APBB2: variants seen among roughly 807,000 people sequenced by gnomAD.
The protein encoded by APBB2 is amyloid beta precursor protein binding family B member 2.
A neutral mutation model predicts 82.5 loss-of-function variants in APBB2; 38 were observed. The ratio of observed to expected loss-of-function variants is 0.46; its 90% CI spans 0.36 to 0.60. APBB2 has a LOEUF of 0.60. Among genes scored for constraint, APBB2 ranks in the 20% least tolerant of loss-of-function variants. The pLI, the probability that APBB2 is intolerant of heterozygous loss-of-function variation, is 0.00. For synonymous variants in APBB2, 341 were observed against 368.2 expected (o/e 0.93, Z 0.85); for missense variants, 772 against 972.3 (o/e 0.79, Z 2.74).
At chr4:40,960,486 C>T (rs548033081) in intron 6 of APBB2, among the ~76,000 whole-genome samples, 12 of 125,452 alleles carry the variant, frequency 9.6e-5, no homozygotes, top group Middle Eastern at 6.4e-3. Flanking sequence ...CTCGCTCTGT[C>T]GCCCAGGCTG....
chr4:40,890,901 CT>C, intron 11 of APBB2: 1 of 156,602 alleles, frequency 6.4e-6, no homozygotes, highest in African/African-American at 2.4e-5. Flanking sequence ...CCTCGATGGC[CT>C]TTCCAAACCC....
chr4:41,038,922 A>C (rs1720307561), intron 4 of APBB2, among the ~76,000 whole-genome samples: 1 of 152,350 alleles, frequency 6.6e-6, no homozygotes, highest in East Asian at 1.9e-4. Flanking sequence ...TTAGTGCAAT[A>C]GCTATAAATG....
intron 12 of APBB2, among the ~76,000 whole-genome samples, chr4:40,878,759 A>C (rs1470721963): frequency 6.6e-6 from 1 of 151,914 alleles, no homozygotes; most frequent in Non-Finnish European, 1.5e-5. Context: ...GTGTTCCTTT[A>C]TTTATAGCCT....
chr4:40,961,878 T>C (rs1793400318), intron 6 of APBB2, among the ~76,000 whole-genome samples: 1 of 152,092 alleles, frequency 6.6e-6, no homozygotes, highest in Admixed American at 6.6e-5. Flanking sequence ...ATGCAGACAC[T>C]GCATTGGGCT....
At chr4:40,870,664 T>C (rs1160277496) in intron 12 of APBB2, among the ~76,000 whole-genome samples, 4 of 151,738 alleles carry the variant, frequency 2.6e-5, no homozygotes, top group Admixed American at 1.3e-4. Flanking sequence ...CAGGTCCTAA[T>C]CCCTGGAACC....
chr4:41,004,866 C>CAT (rs1806271944), intron 6 of APBB2, among the ~76,000 whole-genome samples: 1 of 137,160 alleles, frequency 7.3e-6, no homozygotes, highest in Non-Finnish European at 1.6e-5. Flanking sequence ...AAAAGACTGG[C>CAT]ATGTGTACAT....
chr4:40,980,185 GCTGA>G (rs2154402637), intron 6 of APBB2, among the ~76,000 whole-genome samples: 1 of 151,676 alleles, frequency 6.6e-6, no homozygotes, highest in South Asian at 2.1e-4. Context: ...GCCACGCCTG[GCTGA>G]CTTTCTGGAT....
intron 1 of APBB2, among the ~76,000 whole-genome samples, chr4:41,176,591 A>G (rs1220906226): frequency 6.6e-6 from 1 of 152,156 alleles, no homozygotes; most frequent in African/African-American, 2.4e-5. Context: ...CTATCACTAC[A>G]AAAAATGTCA....
intron 12 of APBB2, among the ~76,000 whole-genome samples, chr4:40,875,804 GA>G (rs34758941): frequency 0.15 from 21,868 of 147,030 alleles, 1,927 homozygotes; most frequent in Non-Finnish European, 0.21. Context: ...TTTCTGCTAA[GA>G]AAAAAAAAAA....
chr4:41,195,852 C>A, intron 1 of APBB2, among the ~76,000 whole-genome samples: 4 of 152,150 alleles, frequency 2.6e-5, no homozygotes, highest in Non-Finnish European at 1.5e-5. Context: ...CTTTCAAGTC[C>A]TCTCCTCGAT....
intron 6 of APBB2, among the ~76,000 whole-genome samples, chr4:40,948,650 C>T (rs1026723423): frequency 6.6e-6 from 1 of 151,164 alleles, no homozygotes; most frequent in African/African-American, 2.4e-5. Flanking sequence ...ATCCCAGCTA[C>T]TCGGAAGGCT....
chr4:40,838,679 G>A (rs1271409852), intron 12 of APBB2, among the ~76,000 whole-genome samples: 1 of 151,926 alleles, frequency 6.6e-6, no homozygotes, highest in Non-Finnish European at 1.5e-5. Context: ...ACATTGGGCA[G>A]GCTGGTCTAG....
At chr4:41,150,868 G>A (rs576678234) in intron 1 of APBB2, among the ~76,000 whole-genome samples, 4 of 152,268 alleles carry the variant, frequency 2.6e-5, no homozygotes, top group East Asian at 3.9e-4. Flanking sequence ...AGCCTCCCGA[G>A]TAGCTGGGAT....
chr4:41,105,756 G>T (rs904071510), intron 2 of APBB2, among the ~76,000 whole-genome samples: 2 of 152,006 alleles, frequency 1.3e-5, no homozygotes, highest in African/African-American at 4.8e-5. Context: ...TGTGGTAGCG[G>T]GCGCCTGTAG....
intron 12 of APBB2, among the ~76,000 whole-genome samples, chr4:40,844,114 A>C (rs1003852624): frequency 6.6e-6 from 1 of 151,132 alleles, no homozygotes; most frequent in Non-Finnish European, 1.5e-5. Context: ...GGTGGCTAAA[A>C]ATTCCTAAGA....
rs531627525 is a variant in APBB2 at position 40,821,470 on chromosome 4, A to T, written c.2112+401T>A. Among the ~76,000 whole-genome samples the T allele has an allele frequency of 2.0e-5, 3 of 152,382 alleles. No homozygotes were observed. The South Asian group carries it at 6.2e-4, about 32-fold the overall frequency. ...GAGTTAACAGATATAAATAAAATATATAAGAACGGTGTACAGAAACCAATC... is the reference window on the plus strand; with the variant it reads ...GAGTTAACAGATATAAATAAAATATTTAAGAACGGTGTACAGAAACCAATC... On this transcript the variant is annotated intron_variant, in intron 17 of 17. Transcript: ENST00000508593.
At chr4:40,941,200 C>T (rs1374376597) in intron 7 of APBB2, among the ~76,000 whole-genome samples, 2 of 151,774 alleles carry the variant, frequency 1.3e-5, no homozygotes, top group Admixed American at 6.6e-5. Context: ...ATTTCTAACA[C>T]AACATATTAC....
chr4:40,982,283 AAGGAAGGAAG>A lies in APBB2; in HGVS notation c.835+31290_835+31299del, dbSNP rs1374515678. On this transcript the variant is annotated intron_variant, in intron 6 of 17. Coordinates refer to ENST00000508593, the MANE Select transcript of APBB2 (RefSeq NM_004307.2). ...GAAAGAAAGAAAGAAAGAAAGAAAG[AAGGAAGGAAG>A]GAAGGAAGGAAGGAAAGAAAGAAAG... is the stretch of plus-strand genomic sequence containing the variant. 8.5e-4 allele frequency among the ~76,000 whole-genome samples: 25 copies of A among 29,474 alleles called. 1 individual carries two copies. The highest frequency in any genetic ancestry group is 4.8e-3 in the African/African-American group (24 of 5,006). 19.3% of individuals were successfully genotyped at this position (29,474 alleles called of 152,430 possible). A position where few individuals can be genotyped will look rare whatever the true frequency, so the allele number is the denominator to read the frequency against.
At chr4:41,066,848 G>C (rs926974724) in intron 3 of APBB2, among the ~76,000 whole-genome samples, 8 of 152,168 alleles carry the variant, frequency 5.3e-5, no homozygotes, top group Admixed American at 6.5e-5. Context: ...TCAGATCTGG[G>C]TTTTGGATGC....
Sources: allele counts gnomAD v4.1 joint callset (sites outside exome capture counted in the v4.1 genomes callset), GRCh38; gene constraint gnomAD v4.1.1; transcripts MANE v1.5; gene names NCBI Gene and HGNC (gene_info 2026-07-23, HGNC 2026-07-21).